Variants in FRMPD1 observed in about 807,000 individuals in gnomAD.
The protein encoded by FRMPD1 is FERM and PDZ domain-containing protein 1.
FRMPD1 carries 76 observed loss-of-function variants against 117.8 expected under a neutral mutation model. The observed-to-expected ratio is 0.65, with a 90% CI of 0.54 to 0.78. FRMPD1 has a LOEUF of 0.78. Among genes scored for constraint, FRMPD1 ranks in the 30% least tolerant of loss-of-function variants. The pLI is 0.00. For missense variants in FRMPD1, 1,786 were observed against 1,964.5 expected, an observed-to-expected ratio of 0.91 and a Z score of 1.72; for synonymous variants, 783 against 770.4, an observed-to-expected ratio of 1.02 and a Z score of -0.27.
intron 1 of FRMPD1, among the ~76,000 whole-genome samples, chr9:37,683,944 A>G (rs1041731140): frequency 6.0e-5 from 9 of 149,758 alleles, no homozygotes; most frequent in African/African-American, 2.2e-4. Flanking sequence ...AGGGAGATGA[A>G]GTTGGTGGGT....
At chr9:37,731,199 C>G in intron 9 of FRMPD1, 96 bp downstream of exon 9, 3 of 1,057,900 alleles carry the variant, frequency 2.8e-6, no homozygotes, top group Admixed American at 3.6e-5. Flanking sequence ...TTAAACAACT[C>G]CCTGGTAGGG....
chr9:37,667,338 T>C (rs1038978359), intron 1 of FRMPD1, among the ~76,000 whole-genome samples: 1 of 146,310 alleles, frequency 6.8e-6, no homozygotes, highest in African/African-American at 2.5e-5. Flanking sequence ...AGTGCTGGGG[T>C]TACAGGCATG....
At chr9:37,704,414 G>A (rs1458939707) in intron 2 of FRMPD1, among the ~76,000 whole-genome samples, 1 of 151,860 alleles carries the variant, frequency 6.6e-6, no homozygotes, top group Non-Finnish European at 1.5e-5. Flanking sequence ...TTTTTTTCCT[G>A]TTTTTATGTA....
chr9:37,733,928 T>C (rs750693), intron 12 of FRMPD1, 103 bp downstream of exon 12: 220,896 of 735,630 alleles, frequency 0.3, 35,951 homozygotes, highest in South Asian at 0.45. Flanking sequence ...GACTCTGTCA[T>C]GTACTAGAAT....
At chr9:37,733,127 G>T (rs1823964786) in intron 10 of FRMPD1, among the ~76,000 whole-genome samples, 1 of 152,126 alleles carries the variant, frequency 6.6e-6, no homozygotes, top group South Asian at 2.1e-4. Flanking sequence ...GCTCTGCGTT[G>T]CCCCATGAGA....
chr9:37,610,764 G>C, the FRMPD1 span, among the ~76,000 whole-genome samples: 1 of 152,066 alleles, frequency 6.6e-6, no homozygotes, highest in African/African-American at 2.4e-5. Context: ...CTGGATAATT[G>C]TGTGGTTTTT....
At chr9:37,677,103 G>GCAGAGTC (rs1314557826) in intron 1 of FRMPD1, among the ~76,000 whole-genome samples, 1 of 152,202 alleles carries the variant, frequency 6.6e-6, no homozygotes, top group Non-Finnish European at 1.5e-5. Flanking sequence ...ATTGAAAAAT[G>GCAGAGTC]CAGAGTCTAG....
At chr9:37,711,027 T>C (rs1822889871) in intron 4 of FRMPD1, among the ~76,000 whole-genome samples, 1 of 151,802 alleles carries the variant, frequency 6.6e-6, no homozygotes, top group Admixed American at 6.6e-5. Flanking sequence ...AGTTCTTCAT[T>C]GTATAGGACT....
chr9:37,656,103 C>T, intron 1 of FRMPD1, among the ~76,000 whole-genome samples: 1 of 152,186 alleles, frequency 6.6e-6, no homozygotes, highest in East Asian at 1.9e-4. Flanking sequence ...GGCACAATGT[C>T]CTTCATCTTT....
Position 37,746,575 on chromosome 9 carries a change from G to T in FRMPD1, c.4543G>T (p.Ala1515Ser), listed in dbSNP as rs199899015. 2 of 1,613,620 alleles carry T rather than the reference G, an allele frequency of 1.2e-6. No homozygotes were observed. Among genetic ancestry groups the T allele is most frequent in the African/African-American group, 2.7e-5 (2 of 74,932 alleles). ...FQFTDCSRCS[A>S]RHREAAGNLR... ...GTTCACAGACTGTAGCCGCTGCTCC[G>T]CCCGGCACAGGGAGGCAGCGGGGAA... Residue 1515 changes from alanine to serine, a missense_variant, in exon 16 of 16, where the codon GCC (alanine) becomes TCC (serine). Transcript: ENST00000377765.
chr9:37,719,225 T>C (rs374419155), intron 6 of FRMPD1, 49 bp downstream of exon 6: 11 of 1,129,030 alleles, frequency 9.7e-6, no homozygotes, highest in Non-Finnish European at 1.4e-5. Flanking sequence ...CGAGCTGCCT[T>C]CTGGCACATA....
At chr9:37,606,687 C>T in the FRMPD1 span, among the ~76,000 whole-genome samples, 1 of 152,132 alleles carries the variant, frequency 6.6e-6, no homozygotes, top group Non-Finnish European at 1.5e-5. Context: ...AAAAAGATTC[C>T]CTTTAAACCA....
At chr9:37,687,540 A>G (rs2117989027) in intron 1 of FRMPD1, among the ~76,000 whole-genome samples, 1 of 152,344 alleles carries the variant, frequency 6.6e-6, no homozygotes, top group Admixed American at 6.5e-5. Context: ...TTTGAAAACA[A>G]TATCCCATGG....
At chr9:37,734,436 C>G (rs1433776777) in intron 12 of FRMPD1, among the ~76,000 whole-genome samples, 1 of 151,768 alleles carries the variant, frequency 6.6e-6, no homozygotes, top group Non-Finnish European at 1.5e-5. Context: ...GCCCTCTGCT[C>G]TCTTCCCATT....
chr9:37,638,336 G>A, the FRMPD1 span, among the ~76,000 whole-genome samples: 1 of 152,116 alleles, frequency 6.6e-6, no homozygotes, highest in Non-Finnish European at 1.5e-5. Context: ...GCCTTCCAAA[G>A]TGCTGGGAAT....
chr9:37,710,618 A>C (rs1344919896), intron 4 of FRMPD1, among the ~76,000 whole-genome samples: 2 of 152,208 alleles, frequency 1.3e-5, no homozygotes, highest in African/African-American at 4.8e-5. Context: ...GTTTAGCCTG[A>C]GTTTTATGAA....
chr9:37,633,018 T>TAC, the FRMPD1 span, among the ~76,000 whole-genome samples: 1 of 3,084 alleles, frequency 3.2e-4, no homozygotes, highest in Non-Finnish European at 1.7e-3. Flanking sequence ...CTACATATAT[T>TAC]ATATATATAT....
Position 37,745,305 on chromosome 9 carries a change from A to G in FRMPD1, c.3273A>G (p.Pro1091=). ...EPRSDECGIN[P]GEKIASIPTK... ...GAAGTGATGAATGTGGAATAAATCC[A>G]GGAGAGAAGATAGCTTCTATCCCTA... The change falls in exon 16 of 16, where the codon CCA becomes CCG. Residue 1091 remains proline (P), a synonymous_variant. Coordinates refer to ENST00000377765, the MANE Select transcript of FRMPD1 (RefSeq NM_014907.3). The G allele has an allele frequency of 4.3e-6, 7 of 1,609,312 alleles. No individual in the cohort carries two copies. Among genetic ancestry groups the G allele is most frequent in the Non-Finnish European group, 6.0e-6 (7 of 1,175,582 alleles).
chr9:37,638,074 T>TTCTTTCTTTCC, the FRMPD1 span, among the ~76,000 whole-genome samples: 6 of 140,282 alleles, frequency 4.3e-5, no homozygotes, highest in East Asian at 8.9e-4. Flanking sequence ...CTTCTTTTCT[T>TTCTTTCTTTCC]TTCTTTTCTT....
Sources: allele counts gnomAD v4.1 joint callset (sites outside exome capture counted in the v4.1 genomes callset), GRCh38; gene constraint gnomAD v4.1.1; transcripts MANE v1.5; gene names NCBI Gene and HGNC (gene_info 2026-07-23, HGNC 2026-07-21).